The following PTPN9 variants were observed in gnomAD, a reference collection of about 807,000 sequenced individuals.
PTPN9 encodes the protein tyrosine-protein phosphatase non-receptor type 9.
In PTPN9, 26 loss-of-function variants were observed where a neutral mutation model predicts 69.8. The ratio of observed to expected loss-of-function variants is 0.37; its 90% confidence interval spans 0.27 to 0.52. The LOEUF is 0.52. Ranked by LOEUF, PTPN9 falls within the 20% of genes least tolerant of loss-of-function variation. PTPN9 has a pLI of 0.91. For missense variants in PTPN9, 549 were observed against 740.3 expected, an observed-to-expected ratio of 0.74 and a Z score of 3.00; for synonymous variants, 274 against 272.5, an observed-to-expected ratio of 1.01 and a Z score of -0.05.
chr15:75,570,140 A>C (rs548334929), intron 1 of PTPN9: 2 of 152,284 alleles, frequency 1.3e-5, no homozygotes, highest in East Asian at 3.9e-4. Context: ...TAATACAGCA[A>C]AATTCTCACA....
At chr15:75,575,978 A>G (rs2075171002) in intron 1 of PTPN9, among the ~76,000 whole-genome samples, 1 of 151,018 alleles carries the variant, frequency 6.6e-6, no homozygotes, top group African/African-American at 2.4e-5. Flanking sequence ...CCAGGCCTGT[A>G]ATCCCAGCAT....
At chr15:75,572,607 C>T (rs949903735) in intron 1 of PTPN9, among the ~76,000 whole-genome samples, 1 of 151,652 alleles carries the variant, frequency 6.6e-6, no homozygotes, top group Non-Finnish European at 1.5e-5. Flanking sequence ...CCCAGCTACT[C>T]GAGAGGCTGA....
intron 1 of PTPN9, among the ~76,000 whole-genome samples, chr15:75,530,671 T>TATATATATTATTATATTATAATATATATA (rs2074954899): frequency 1.8e-4 from 6 of 33,150 alleles, no homozygotes; most frequent in Non-Finnish European, 2.3e-4. Flanking sequence ...AATATACTAT[T>TATATATATTATTATATTATAATATATATA]ATATATATTA....
At chr15:75,489,398 A>G (rs2074697197) in intron 8 of PTPN9, among the ~76,000 whole-genome samples, 1 of 152,040 alleles carries the variant, frequency 6.6e-6, no homozygotes, top group African/African-American at 2.4e-5. Context: ...AGACCAGACT[A>G]GGCAACATAG....
At chr15:75,530,013 C>A (rs2074947559) in intron 1 of PTPN9, among the ~76,000 whole-genome samples, 1 of 151,542 alleles carries the variant, frequency 6.6e-6, no homozygotes, top group Non-Finnish European at 1.5e-5. Context: ...ACCAGCCTGG[C>A]CAATATGGTG....
chr15:75,531,963 C>T (rs2141325507), intron 1 of PTPN9, among the ~76,000 whole-genome samples: 1 of 152,226 alleles, frequency 6.6e-6, no homozygotes, highest in Middle Eastern at 3.4e-3. Context: ...AATAATAGAA[C>T]ATATTTTTCC....
intron 8 of PTPN9, among the ~76,000 whole-genome samples, chr15:75,486,868 T>G (rs1207838640): frequency 1.4e-5 from 2 of 147,310 alleles, no homozygotes; most frequent in Admixed American, 1.4e-4. Flanking sequence ...TACTGCAAGC[T>G]CCGCCTCCCA....
chr15:75,531,225 A>C (rs1265783559), intron 1 of PTPN9, among the ~76,000 whole-genome samples: 1 of 152,012 alleles, frequency 6.6e-6, no homozygotes, highest in Non-Finnish European at 1.5e-5. Flanking sequence ...CTTACGATTA[A>C]GGCAACATAG....
At chr15:75,550,189 A>G (rs576772829) in intron 1 of PTPN9, among the ~76,000 whole-genome samples, 86 of 147,556 alleles carry the variant, frequency 5.8e-4, no homozygotes, top group Admixed American at 1.3e-3. Context: ...TTTTTGAGAC[A>G]GAGTCTTGCT....
At chr15:75,544,425 G>A (rs2075022496) in intron 1 of PTPN9, among the ~76,000 whole-genome samples, 1 of 152,164 alleles carries the variant, frequency 6.6e-6, no homozygotes. Context: ...GTCCTAGCAG[G>A]AGGCTGAAGG....
chr15:75,574,058 G>A (rs2075160639), intron 1 of PTPN9, among the ~76,000 whole-genome samples: 1 of 152,202 alleles, frequency 6.6e-6, no homozygotes, highest in South Asian at 2.1e-4. Flanking sequence ...GCATGGAGCA[G>A]AGACAAGTGT....
chr15:75,528,704 T>TG (rs907308368), intron 1 of PTPN9, among the ~76,000 whole-genome samples: 4 of 150,778 alleles, frequency 2.7e-5, no homozygotes, highest in Non-Finnish European at 4.4e-5. Flanking sequence ...CATTTTTTTT[T>TG]TTTTTTTTTT....
At chr15:75,573,688 C>T (rs972719966) in intron 1 of PTPN9, among the ~76,000 whole-genome samples, 8 of 152,132 alleles carry the variant, frequency 5.3e-5, no homozygotes, top group Non-Finnish European at 8.8e-5. Context: ...CAAGTATTTC[C>T]GTAAGTGCCA....
Position 75,527,190 on chromosome 15 carries a change from A to G in PTPN9, c.135T>C (p.Asn45=). The G allele has an allele frequency of 1.2e-6, 2 of 1,614,224 alleles. No homozygotes were observed. Among genetic ancestry groups the G allele is most frequent in the Non-Finnish European group, 1.7e-6 (2 of 1,180,038 alleles). Residue 45 remains asparagine, a synonymous_variant, in exon 2 of 13, where the codon AAT becomes AAC. Coordinates refer to ENST00000618819, the MANE Select transcript of PTPN9 (RefSeq NM_002833.4). ...VQYNVSPLSW[N]VAVKFLMARK... The stretch of plus-strand genomic sequence containing the variant: ...TTGCCATGAGGAACTTGACAGCCAC[A>G]TTCCAAGACAGCGGGGAAACATTGT...
At position 75,503,370 on chromosome 15, in the gene PTPN9, G is replaced by T. The variant is rs28402820; in HGVS notation, c.968+2305C>A. Among the ~76,000 whole-genome samples the T allele has an allele frequency of 5.7e-3, 794 of 140,402 alleles. 3 individuals carry two copies. In the East Asian group the frequency reaches 0.074, roughly 13 times the overall value. 92.1% of individuals were successfully genotyped at this position (140,402 alleles called of 152,430 possible). ...AGGAGCGTCTCTGCCCAGCCGCCCC[G>T]TCTGAGAAGTGAGGAGACCCTCCGC... On this transcript the variant is annotated intron_variant, in intron 7 of 12. Transcript: ENST00000618819.
In PTPN9 at chr15:75,490,271, A is replaced by G. The variant is rs1320338749; in HGVS notation, c.999T>C (p.Tyr333=). ...MSPGNLEKNR[Y]GDVPCLDQTR... ...TTTGGTCCAGGCAGGGTACATCCCC[A>G]TAACGGTTTTTCTCTAGGTTTCCTG... The change falls in exon 8 of 13, where the codon TAT becomes TAC. Residue 333 remains tyrosine (Y), a synonymous_variant. Coordinates refer to ENST00000618819, the MANE Select transcript of PTPN9 (RefSeq NM_002833.4). The G allele has an allele frequency of 7.4e-6, 12 of 1,613,574 alleles. No individual in the cohort carries two copies. The Admixed American group carries it at 8.3e-5, about 11-fold the overall frequency.
intron 1 of PTPN9, among the ~76,000 whole-genome samples, chr15:75,545,521 A>G (rs1227182460): frequency 1.1e-4 from 17 of 152,236 alleles, no homozygotes; most frequent in Admixed American, 1.1e-3. Flanking sequence ...ACATGAGAAG[A>G]AAAGCAATGA....
chr15:75,575,715 C>T (rs1384005505), intron 1 of PTPN9, among the ~76,000 whole-genome samples: 1 of 150,722 alleles, frequency 6.6e-6, no homozygotes, highest in Non-Finnish European at 1.5e-5. Context: ...GTCAGGAGAT[C>T]GAGACCATCC....
At chr15:75,485,435 C>T (rs2074669544) in intron 8 of PTPN9, among the ~76,000 whole-genome samples, 1 of 131,064 alleles carries the variant, frequency 7.6e-6, no homozygotes, top group Non-Finnish European at 1.5e-5. Context: ...GTGGCGCAAT[C>T]TCGGCTCACT....
Sources: gnomAD v4.1 joint callset for allele counts (sites outside exome capture counted in the v4.1 genomes callset) on GRCh38, gnomAD v4.1.1 for gene constraint, MANE v1.5 for transcripts, NCBI Gene and HGNC (gene_info 2026-07-23, HGNC 2026-07-21) for gene names.